NBEAL1: variants seen among roughly 807,000 people sequenced by gnomAD.
The protein encoded by NBEAL1 is neurobeachin like 1, also known as neurobeachin-like protein 1.
A neutral mutation model predicts 351.3 loss-of-function variants in NBEAL1; 273 were observed. The observed-to-expected ratio is 0.78, with a 90% confidence interval of 0.70 to 0.86. The LOEUF (loss-of-function observed/expected upper bound fraction) is 0.86. Ranked by LOEUF, NBEAL1 falls within the 40% of genes least tolerant of loss-of-function variation. NBEAL1 has a pLI of 0.00. For missense variants in NBEAL1, 2,961 were observed against 3,201.3 expected (o/e 0.92, Z 1.81); for synonymous variants, 1,050 against 1,086.4 (o/e 0.97, Z 0.66).
In NBEAL1 at chr2:203,062,218, T is replaced by C. The variant is rs2061510210; in HGVS notation, c.515+4765T>C. On this transcript the variant is annotated intron_variant, in intron 6 of 55. Coordinates refer to ENST00000683969, the MANE Select transcript of NBEAL1 (RefSeq NM_001378026.1). The surrounding 1 kb of genome is among the most constrained non-coding windows in gnomAD (Gnocchi z 4.2). Reference sequence around the variant, plus strand: ...CAGTCTCTCTACCATATGACTTACATTTCTCCCATATTTTCTGACTTGATC... The same window carrying C: ...CAGTCTCTCTACCATATGACTTACACTTCTCCCATATTTTCTGACTTGATC... The C allele has an allele frequency of 4.4e-6, 2 of 456,260 alleles. No homozygotes were observed. The highest frequency in any genetic ancestry group is 4.7e-5 in the Admixed American group (2 of 42,488). The allele number at this position is 456,260 out of a possible 1,614,324, so 28.3% of individuals were successfully genotyped here. A position where few individuals can be genotyped will look rare whatever the true frequency, so the allele number is the denominator to read the frequency against.
chr2:203,074,317 C>CTTTTTTTTTTTTTTT (rs56217945), intron 7 of NBEAL1, among the ~76,000 whole-genome samples: 59 of 98,298 alleles, frequency 6.0e-4, no homozygotes, highest in African/African-American at 9.9e-4. Context: ...TTTCTTTCTT[C>CTTTTTTTTTTTTTTT]TTTTTTTTTT....
chr2:203,130,972 T>G (rs1049220366), intron 25 of NBEAL1, among the ~76,000 whole-genome samples: 2 of 152,244 alleles, frequency 1.3e-5, no homozygotes, highest in Admixed American at 1.3e-4. Context: ...AAATGTTTAC[T>G]TATCCTTGAA....
At position 203,125,385 on chromosome 2, in the gene NBEAL1, C is replaced by G; in HGVS notation, c.2716C>G (p.Leu906Val). The G allele has an allele frequency of 6.5e-7, 1 of 1,542,926 alleles. No homozygotes were observed. The change falls in exon 20 of 56, where the codon CTC becomes GTC. Residue 906 changes from leucine (L) to valine (V), a missense_variant. By Grantham distance (32) the Leu-to-Val change is conservative (BLOSUM62 1). Transcript: ENST00000683969. ...IINCIGGLNV[L>V]FPLLEQISHF... The stretch of plus-strand genomic sequence containing the variant: ...AAACTGCATAGGTGGGTTAAATGTA[C>G]TCTTTCCTTTATTGGAACAAATCAG...
Position 203,209,165 on chromosome 2 carries a change from G to A in NBEAL1, c.7628G>A (p.Gly2543Glu). 6.2e-7 allele frequency: 1 copy of A among 1,611,620 alleles called. No homozygotes were observed. The highest frequency in any genetic ancestry group is 8.5e-7 in the Non-Finnish European group (1 of 1,178,094). ...LDMAVSGSRD[G>E]TVIIHTIQKG... ...TCTGATATATCCTGTGTGTAGGATGGAACGGTGATTATACATACCATTCAG... is the reference window on the plus strand; with the variant it reads ...TCTGATATATCCTGTGTGTAGGATGAAACGGTGATTATACATACCATTCAG... Residue 2543 changes from glycine (G) to glutamate (E), a missense_variant, in exon 53 of 56, where the codon GGA becomes GAA. By Grantham distance (98) the Gly-to-Glu change is moderately conservative. Coordinates refer to ENST00000683969, the MANE Select transcript of NBEAL1 (RefSeq NM_001378026.1).
At chr2:203,039,936 T>C (rs1453639408) in intron 2 of NBEAL1, among the ~76,000 whole-genome samples, 2 of 152,076 alleles carry the variant, frequency 1.3e-5, no homozygotes, top group Non-Finnish European at 2.9e-5. Context: ...AAGTAAATTA[T>C]AGATGAAAGG....
At position 203,055,199 on chromosome 2, in the gene NBEAL1, T is replaced by C. The variant is rs186251350; in HGVS notation, c.306-1228T>C. 9.8e-4 allele frequency among the ~76,000 whole-genome samples: 149 copies of C among 152,340 alleles called. 1 individual carries two copies. The highest frequency in any genetic ancestry group is 3.4e-3 in the African/African-American group (142 of 41,580). Reference sequence around the variant, plus strand: ...GTTGTTCTCAGGGAGAGGACTGATCTTAGTCCACTATTATTGGAAGCAGAA... The same window carrying C: ...GTTGTTCTCAGGGAGAGGACTGATCCTAGTCCACTATTATTGGAAGCAGAA... On this transcript the variant is annotated intron_variant, in intron 4 of 55. Coordinates refer to ENST00000683969, the MANE Select transcript of NBEAL1 (RefSeq NM_001378026.1).
chr2:203,086,805 G>T (rs1455480051), intron 10 of NBEAL1, among the ~76,000 whole-genome samples: 1 of 152,186 alleles, frequency 6.6e-6, no homozygotes, highest in Non-Finnish European at 1.5e-5. Flanking sequence ...GAAATGCTGG[G>T]ATTACAGGCG....
At position 203,219,883 on chromosome 2, in the gene NBEAL1, T is replaced by G. The variant is rs554397229; in HGVS notation, c.*2529T>G. On this transcript the variant is annotated 3_prime_UTR_variant, in exon 56 of 56. Transcript: ENST00000683969. The stretch of plus-strand genomic sequence containing the variant: ...AAAGAAAAGAAAAAAAATATGGAAT[T>G]TAGAGAAAAATCTTTGAGAATACTA... 73 of 152,036 alleles carry G rather than the reference T, an allele frequency of 4.8e-4. No homozygotes were observed. Among genetic ancestry groups the G allele is most frequent in the African/African-American group, 1.6e-3 (67 of 41,468 alleles). 9.4% of individuals were successfully genotyped at this position (152,036 alleles called of 1,614,324 possible). A position where few individuals can be genotyped will look rare whatever the true frequency, so the allele number is the denominator to read the frequency against.
At chr2:203,202,238 T>C (rs2065420466) in intron 50 of NBEAL1, among the ~76,000 whole-genome samples, 1 of 152,170 alleles carries the variant, frequency 6.6e-6, no homozygotes, top group African/African-American at 2.4e-5. Context: ...AACACTTACG[T>C]CTGCAGTTTA....
Position 203,224,292 on chromosome 2 carries a change from A to G in NBEAL1, c.*6938A>G, listed in dbSNP as rs1280989429. On this transcript the variant is annotated 3_prime_UTR_variant, in exon 56 of 56. Coordinates refer to ENST00000683969, the MANE Select transcript of NBEAL1 (RefSeq NM_001378026.1). ...CTTTATATAAGAAAACTTCTTAGAA[A>G]ACTATGTGGCTGGTTGGTTCCATTT... is the stretch of plus-strand genomic sequence containing the variant. Among the ~76,000 whole-genome samples, 1 of 152,096 alleles carries G rather than the reference A, an allele frequency of 6.6e-6. No homozygotes were observed. Among genetic ancestry groups the G allele is most frequent in the African/African-American group, 2.4e-5 (1 of 41,442 alleles).
At position 203,016,313 on chromosome 2, in the gene NBEAL1, TA is replaced by T; in HGVS notation, c.-68del. On this transcript the variant is annotated 5_prime_UTR_variant, in exon 2 of 56. It adds an upstream start codon to the 5' untranslated region. Coordinates refer to ENST00000683969, the MANE Select transcript of NBEAL1 (RefSeq NM_001378026.1). Reference sequence around the variant, plus strand: ...CTGAACGGCTGAAAAACTTGGAAAATAAAATGGACATGCTGTAGTCTTGAAC... The same window carrying T: ...CTGAACGGCTGAAAAACTTGGAAAATAAATGGACATGCTGTAGTCTTGAAC... The T allele has an allele frequency of 2.7e-6, 3 of 1,120,836 alleles. No individual in the cohort carries two copies. The highest frequency in any genetic ancestry group is 3.7e-6 in the Non-Finnish European group (3 of 802,130). The allele number at this position is 1,120,836 out of a possible 1,614,324, so 69.4% of individuals were successfully genotyped here.
In NBEAL1 at chr2:203,153,722, G is replaced by C. The variant is rs189841382; in HGVS notation, c.5587+2133G>C. Among the ~76,000 whole-genome samples, 440 of 152,146 alleles carry C rather than the reference G, an allele frequency of 2.9e-3. 1 individual carries two copies. The highest frequency in any genetic ancestry group is 4.9e-3 in the Non-Finnish European group (331 of 67,994). ...AGTATCTTTCTCTACTCTTTGAAAT[G>C]TAACTATCATTAACACCCAACAAAC... On this transcript the variant is annotated intron_variant, in intron 35 of 55. Transcript: ENST00000683969.
At chr2:203,149,202 G>C in intron 34 of NBEAL1, 54 bp downstream of exon 34, 1 of 1,379,606 alleles carries the variant, frequency 7.2e-7, no homozygotes, top group Non-Finnish European at 9.7e-7. Context: ...CTCTGGTCTA[G>C]AAATTTTTGA....
chr2:203,160,097 T>C (rs2063906563), intron 36 of NBEAL1, among the ~76,000 whole-genome samples: 1 of 135,122 alleles, frequency 7.4e-6, no homozygotes, highest in Admixed American at 7.7e-5. Flanking sequence ...TTTTTTTTTT[T>C]AGACAAAGTC....
At chr2:203,215,687 CAAAA>C (rs1346803113) in intron 55 of NBEAL1, among the ~76,000 whole-genome samples, 1 of 107,484 alleles carries the variant, frequency 9.3e-6, no homozygotes, top group African/African-American at 3.5e-5. Flanking sequence ...GACTCCATCT[CAAAA>C]AAAAAAAAAA....
intron 35 of NBEAL1, among the ~76,000 whole-genome samples, chr2:203,156,618 T>C (rs1414422427): frequency 1.3e-5 from 2 of 152,228 alleles, no homozygotes; most frequent in Non-Finnish European, 2.9e-5. Flanking sequence ...TGTGAATCAC[T>C]ACTTCCCAAT....
At chr2:203,067,199 C>G (rs1335233533) in intron 6 of NBEAL1, among the ~76,000 whole-genome samples, 1 of 152,180 alleles carries the variant, frequency 6.6e-6, no homozygotes, top group Non-Finnish European at 1.5e-5. Context: ...GAATTTTGTA[C>G]TGTTACAAAG....
chr2:203,219,079 T>C lies in NBEAL1; in HGVS notation c.*1725T>C, dbSNP rs1327546408. 2 of 152,138 alleles carry C rather than the reference T, an allele frequency of 1.3e-5. No individual in the cohort carries two copies. Among genetic ancestry groups the C allele is most frequent in the African/African-American group, 2.4e-5 (1 of 41,426 alleles). 9.4% of individuals were successfully genotyped at this position (152,138 alleles called of 1,614,324 possible). ...TGGCATCTATTCATTTATTTTATTC[T>C]TTTTTGGGGTGATGGGAGGTTTCAA... On this transcript the variant is annotated 3_prime_UTR_variant, in exon 56 of 56. Coordinates refer to ENST00000683969, the MANE Select transcript of NBEAL1 (RefSeq NM_001378026.1).
rs575773470 is a variant in NBEAL1, at chr2:203,199,598, T to C, written c.7238+151T>C. ...CTTGCTCTGCGGTGCAGTGGCGCAA[T>C]CCCCACTCACTGAAACCTCTGCCTC... On this transcript the variant is annotated intron_variant, in intron 49 of 55. Transcript: ENST00000683969. 11 of 501,162 alleles carry C rather than the reference T, an allele frequency of 2.2e-5. No individual in the cohort carries two copies. The Admixed American group carries it at 2.3e-4, about 10-fold the overall frequency. 31.0% of individuals were successfully genotyped at this position (501,162 alleles called of 1,614,324 possible).
Sources: gnomAD v4.1 joint callset for allele counts (sites outside exome capture counted in the v4.1 genomes callset) on GRCh38, gnomAD v4.1.1 for gene constraint, Gnocchi (gnomAD v3.1) non-coding constraint, MANE v1.5 for transcripts, NCBI Gene and HGNC (gene_info 2026-07-23, HGNC 2026-07-21) for gene names.